The following PCDH11X variants were observed in gnomAD, a reference collection of about 807,000 sequenced individuals.
The protein encoded by PCDH11X is protocadherin-11 X-linked.
Under a neutral mutation model 53.3 loss-of-function variants are expected in PCDH11X, and 18 were observed. The observed-to-expected ratio is 0.34, with a 90% CI of 0.23 to 0.50. The LOEUF (loss-of-function observed/expected upper bound fraction) is 0.50, where lower values mean the gene tolerates loss of function less well. Among genes scored for constraint, PCDH11X ranks in the 20% least tolerant of loss-of-function variants. The pLI, the probability that PCDH11X is intolerant of heterozygous loss-of-function variation, is 0.98. For synonymous variants in PCDH11X, 279 were observed against 393.3 expected (o/e 0.71, Z 3.44); for missense variants, 570 against 1,032.4 (o/e 0.55, Z 6.14).
At chrX:92,590,342 G>A (rs1341033059) in intron 10 of PCDH11X, among the ~76,000 whole-genome samples, 1 of 111,127 alleles carries the variant, frequency 9.0e-6, no homozygotes, top group Non-Finnish European at 1.9e-5. Flanking sequence ...AAACTCTTGG[G>A]AAGTTATAAA....
At chrX:92,175,223 C>T (rs1603110350) in intron 6 of PCDH11X, among the ~76,000 whole-genome samples, 1 of 111,296 alleles carries the variant, frequency 9.0e-6, no homozygotes, top group Non-Finnish European at 1.9e-5. Flanking sequence ...GTGATCCACC[C>T]GCCTCGGCCT....
At chrX:92,060,245 G>A (rs1236460851) in intron 6 of PCDH11X, among the ~76,000 whole-genome samples, 1 of 102,164 alleles carries the variant, frequency 9.8e-6, no homozygotes, top group Non-Finnish European at 2.0e-5. Flanking sequence ...CATAGGAAAC[G>A]GGATGGTTTC....
chrX:91,845,955 A>C (rs749360661), intron 5 of PCDH11X, among the ~76,000 whole-genome samples: 4 of 110,992 alleles, frequency 3.6e-5, no homozygotes, highest in Non-Finnish European at 7.6e-5. Context: ...TACTAATGGA[A>C]ATGTAAGTAA....
At chrX:92,089,841 C>T (rs2064020363) in intron 6 of PCDH11X, among the ~76,000 whole-genome samples, 1 of 109,043 alleles carries the variant, frequency 9.2e-6, no homozygotes, top group Non-Finnish European at 1.9e-5. Context: ...TTTTTTAAAC[C>T]TTTTCTGCTT....
chrX:92,366,091 C>T (rs1475492418), intron 8 of PCDH11X, among the ~76,000 whole-genome samples: 4 of 109,823 alleles, frequency 3.6e-5, no homozygotes, highest in South Asian at 4.0e-4. Flanking sequence ...TGGGAGAATT[C>T]GGCTATGAAT....
At chrX:92,226,738 G>T (rs1002742534) in intron 7 of PCDH11X, among the ~76,000 whole-genome samples, 3 of 110,722 alleles carry the variant, frequency 2.7e-5, no homozygotes, top group African/African-American at 6.6e-5. Flanking sequence ...GCTGCCAGAC[G>T]GGAGGGCAGG....
intron 10 of PCDH11X, among the ~76,000 whole-genome samples, chrX:92,564,297 A>G (rs1394597263): frequency 9.5e-6 from 1 of 105,616 alleles, no homozygotes; most frequent in South Asian, 4.3e-4. Flanking sequence ...TTATCAAAAG[A>G]CCTAAATAGT....
intron 6 of PCDH11X, among the ~76,000 whole-genome samples, chrX:92,106,373 TCAGA>T (rs2064384545): frequency 9.0e-6 from 1 of 110,804 alleles, no homozygotes; most frequent in Non-Finnish European, 1.9e-5. Flanking sequence ...CTATGTTTAC[TCAGA>T]CATTTTGTTC....
At chrX:92,436,086 C>T (rs1257507231) in intron 9 of PCDH11X, among the ~76,000 whole-genome samples, 1 of 109,846 alleles carries the variant, frequency 9.1e-6, no homozygotes, top group African/African-American at 3.3e-5. Context: ...CAACAAAGGG[C>T]TAATATCCAG....
chrX:92,319,032 A>T (rs764094110), intron 8 of PCDH11X, among the ~76,000 whole-genome samples: 1 of 112,374 alleles, frequency 8.9e-6, no homozygotes, highest in South Asian at 3.7e-4. Context: ...TCTCTCTAAA[A>T]ATAGTCCAAT....
chrX:92,445,839 C>G (rs1603320973), intron 9 of PCDH11X, among the ~76,000 whole-genome samples: 3 of 110,742 alleles, frequency 2.7e-5, no homozygotes, highest in East Asian at 5.7e-4. Context: ...TAGAATATCC[C>G]TTGAATGTGA....
At chrX:92,256,625 C>T (rs750419092) in intron 7 of PCDH11X, among the ~76,000 whole-genome samples, 52 of 110,993 alleles carry the variant, frequency 4.7e-4, no homozygotes, top group Admixed American at 1.5e-3. Context: ...AAATGTGTGC[C>T]GTGGTGGTTT....
chrX:92,067,640 G>A (rs1240918018), intron 6 of PCDH11X, among the ~76,000 whole-genome samples: 1 of 110,806 alleles, frequency 9.0e-6, no homozygotes, highest in African/African-American at 3.3e-5. Context: ...TGTTTGTCTG[G>A]CATCTTCTTT....
chrX:92,495,308 G>A (rs971457876), intron 10 of PCDH11X, among the ~76,000 whole-genome samples: 9 of 108,870 alleles, frequency 8.3e-5, no homozygotes, highest in African/African-American at 2.3e-4. Flanking sequence ...TGATTCATGC[G>A]GCTTCATGTG....
intron 7 of PCDH11X, among the ~76,000 whole-genome samples, chrX:92,252,070 T>G (rs192522569): frequency 3.6e-5 from 4 of 111,432 alleles, no homozygotes; most frequent in Admixed American, 9.6e-5. Flanking sequence ...ATGTTGAGAA[T>G]AAAATTTAAG....
intron 6 of PCDH11X, among the ~76,000 whole-genome samples, chrX:91,986,249 A>G (rs2062226109): frequency 1.8e-5 from 2 of 111,763 alleles, no homozygotes; most frequent in Non-Finnish European, 3.8e-5. Context: ...CCACTAAAAT[A>G]GTAAACATCT....
chrX:92,147,855 T>TCTTTCTTTCTCTTTCTTTCTTTC (rs1569388349), intron 6 of PCDH11X, among the ~76,000 whole-genome samples: 1 of 22,356 alleles, frequency 4.5e-5, no homozygotes, highest in African/African-American at 7.8e-5. Flanking sequence ...TTCTTTCTTT[T>TCTTTCTTTCTCTTTCTTTCTTTC]TTCTTTTCTC....
At chrX:92,426,159 C>T (rs998270283) in intron 9 of PCDH11X, among the ~76,000 whole-genome samples, 1 of 100,159 alleles carries the variant, frequency 1.0e-5, no homozygotes, top group African/African-American at 3.7e-5. Context: ...TATGCTGGTT[C>T]TTTCAGCCAC....
chrX:92,611,147 G>A (rs1405926924), intron 10 of PCDH11X, among the ~76,000 whole-genome samples: 1 of 109,487 alleles, frequency 9.1e-6, no homozygotes, highest in Non-Finnish European at 1.9e-5. Flanking sequence ...AAACGACTTT[G>A]GTAGTTTGAT....
Sources: gnomAD v4.1 joint callset for allele counts (sites outside exome capture counted in the v4.1 genomes callset) on GRCh38, gnomAD v4.1.1 for gene constraint, MANE v1.5 for transcripts, NCBI Gene and HGNC (gene_info 2026-07-23, HGNC 2026-07-21) for gene names.